Variants in MSRA observed in about 807,000 individuals in gnomAD.
The protein encoded by MSRA is mitochondrial peptide methionine sulfoxide reductase.
A neutral mutation model predicts 31.3 loss-of-function variants in MSRA; 54 were observed. The observed-to-expected ratio is 1.73, with a 90% CI of 1.39 to 2.17. The LOEUF (loss-of-function observed/expected upper bound fraction) is 2.17, where lower values mean the gene tolerates loss of function less well. Ranked by LOEUF, MSRA falls within the 30% of genes most tolerant of loss-of-function variation. The probability of loss-of-function intolerance (pLI) is 0.00; values close to 1 mark genes in which losing one functional copy is unlikely to be tolerated. For synonymous variants in MSRA, 169 were observed against 116.5 expected (o/e 1.45, Z -2.90); for missense variants, 507 against 300.9 (o/e 1.69, Z -5.07).
intron 5 of MSRA, among the ~76,000 whole-genome samples, chr8:10,419,167 T>C (rs1422875426): frequency 2.6e-5 from 4 of 152,160 alleles, no homozygotes; most frequent in African/African-American, 9.7e-5. Flanking sequence ...AGAATTCCTA[T>C]ACAAGGTTCT....
In MSRA at chr8:10,176,700, T is replaced by G. The variant is rs78882219; in HGVS notation, c.143-31133T>G. On this transcript the variant is annotated intron_variant, in intron 1 of 5. Transcript: ENST00000317173. ...TGTGCAAAGGCCATCCTCTTTAGAT[T>G]CCAGACCAGACTTACGAAGTGAACT... 2.5e-3 allele frequency among the ~76,000 whole-genome samples: 376 copies of G among 152,326 alleles called. 1 individual carries two copies. The highest frequency in any genetic ancestry group is 3.8e-3 in the Non-Finnish European group (259 of 68,026).
At chr8:10,240,837 G>T (rs13263803) in intron 2 of MSRA, among the ~76,000 whole-genome samples, 1 of 146,078 alleles carries the variant, frequency 6.8e-6, no homozygotes, top group African/African-American at 2.5e-5. Context: ...CCCACCCCCC[G>T]CACCCCCATC....
intron 2 of MSRA, among the ~76,000 whole-genome samples, chr8:10,231,685 C>T (rs1463302070): frequency 6.6e-6 from 1 of 152,070 alleles, no homozygotes; most frequent in African/African-American, 2.4e-5. Context: ...GGCAGATTAC[C>T]TGAGGTCAGG....
At chr8:10,417,937 T>C (rs1290695346) in intron 5 of MSRA, among the ~76,000 whole-genome samples, 5 of 152,066 alleles carry the variant, frequency 3.3e-5, no homozygotes, top group African/African-American at 1.2e-4. Flanking sequence ...GAGGGCGAAG[T>C]GAGTCTAGAA....
At chr8:10,250,815 C>T (rs1052453) in intron 3 of MSRA, 67,928 of 247,092 alleles carry the variant, frequency 0.27, 11,036 homozygotes, top group Non-Finnish European at 0.36. Context: ...CTTGATGAAA[C>T]CAGTCAAGTT....
chr8:10,395,058 C>G (rs1205832373), intron 5 of MSRA, among the ~76,000 whole-genome samples: 2 of 152,180 alleles, frequency 1.3e-5, no homozygotes, highest in Non-Finnish European at 2.9e-5. Flanking sequence ...GTGGCAGAAG[C>G]CAACACACAC....
intron 3 of MSRA, among the ~76,000 whole-genome samples, chr8:10,260,133 G>C (rs1168585721): frequency 1.3e-5 from 2 of 152,242 alleles, no homozygotes; most frequent in African/African-American, 4.8e-5. Context: ...TCTGTCAGAA[G>C]AAGTGGCAAA....
intron 1 of MSRA, among the ~76,000 whole-genome samples, chr8:10,188,108 C>T (rs1226823837): frequency 6.6e-6 from 1 of 152,220 alleles, no homozygotes; most frequent in Admixed American, 6.5e-5. Context: ...CTGCAAAAAT[C>T]GTACATAGTT....
chr8:10,085,516 T>A (rs1295310875), intron 1 of MSRA, among the ~76,000 whole-genome samples: 1 of 152,210 alleles, frequency 6.6e-6, no homozygotes, highest in Non-Finnish European at 1.5e-5. Context: ...AGTGTCTTAG[T>A]CATCTCAATA....
chr8:10,253,120 C>T (rs1380538241), intron 3 of MSRA, among the ~76,000 whole-genome samples: 1 of 152,302 alleles, frequency 6.6e-6, no homozygotes, highest in East Asian at 1.9e-4. Context: ...AGCAGCAAAA[C>T]ATAGGGCCCC....
intron 3 of MSRA, among the ~76,000 whole-genome samples, chr8:10,284,322 G>A (rs1307744758): frequency 2.6e-5 from 4 of 152,010 alleles, no homozygotes; most frequent in Non-Finnish European, 5.9e-5. Context: ...CCGAATAGCT[G>A]GGACTATAGG....
chr8:10,073,835 C>T (rs930185555), intron 1 of MSRA, among the ~76,000 whole-genome samples: 3 of 151,980 alleles, frequency 2.0e-5, no homozygotes, highest in African/African-American at 4.8e-5. Flanking sequence ...TTGACAGTTA[C>T]CCTGAACAAA....
chr8:10,125,757 A>G (rs1420211373), intron 1 of MSRA, among the ~76,000 whole-genome samples: 1 of 152,228 alleles, frequency 6.6e-6, no homozygotes, highest in Non-Finnish European at 1.5e-5. Flanking sequence ...AAGGTATTGC[A>G]CAATAGAAGA....
chr8:10,231,041 C>A (rs1811431957), intron 2 of MSRA, among the ~76,000 whole-genome samples: 2 of 152,216 alleles, frequency 1.3e-5, no homozygotes, highest in South Asian at 4.1e-4. Flanking sequence ...CCACCTTGGC[C>A]TCCCAAAGTG....
intron 3 of MSRA, among the ~76,000 whole-genome samples, chr8:10,287,555 C>T (rs1467879205): frequency 6.6e-6 from 1 of 152,136 alleles, no homozygotes; most frequent in African/African-American, 2.4e-5. Flanking sequence ...AGAAGTGGGG[C>T]CTCTGGTGTT....
At chr8:10,279,684 C>A (rs2952254) in intron 3 of MSRA, among the ~76,000 whole-genome samples, 1 of 152,048 alleles carries the variant, frequency 6.6e-6, no homozygotes, top group Non-Finnish European at 1.5e-5. Context: ...TTGAAGCTAA[C>A]ACCTAGAAGG....
intron 5 of MSRA, among the ~76,000 whole-genome samples, chr8:10,371,477 T>C (rs1183908800): frequency 6.6e-6 from 1 of 152,136 alleles, no homozygotes; most frequent in Non-Finnish European, 1.5e-5. Flanking sequence ...GGTGACATAA[T>C]TGTTTACTTC....
intron 1 of MSRA, among the ~76,000 whole-genome samples, chr8:10,169,931 T>TC (rs1585082988): frequency 6.6e-6 from 1 of 151,238 alleles, no homozygotes; most frequent in Non-Finnish European, 1.5e-5. Context: ...TTTTTTTTTT[T>TC]TGAGACGGAG....
At chr8:10,091,417 GGCC>G (rs1436424549) in intron 1 of MSRA, among the ~76,000 whole-genome samples, 3 of 152,014 alleles carry the variant, frequency 2.0e-5, no homozygotes, top group Non-Finnish European at 4.4e-5. Context: ...TATTTTTAAA[GGCC>G]AAATAGTATT....
Sources: allele counts gnomAD v4.1 joint callset (sites outside exome capture counted in the v4.1 genomes callset), GRCh38; gene constraint gnomAD v4.1.1; transcripts MANE v1.5; gene names NCBI Gene and HGNC (gene_info 2026-07-23, HGNC 2026-07-21).